Variants in CCNH observed in about 807,000 individuals in gnomAD.
CCNH encodes the protein cyclin-H.
CCNH carries 31 observed loss-of-function variants against 41.9 expected under a neutral mutation model. The ratio of observed to expected loss-of-function variants is 0.74; its 90% CI spans 0.56 to 1.00. The LOEUF (loss-of-function observed/expected upper bound fraction) is 1.00. Among genes scored for constraint, CCNH ranks in the 50% least tolerant of loss-of-function variants. The pLI, the probability that CCNH is intolerant of heterozygous loss-of-function variation, is 0.00. For synonymous variants in CCNH, 138 were observed against 136.1 expected (o/e 1.01, Z -0.10); for missense variants, 362 against 388.4 (o/e 0.93, Z 0.57).
chr5:87,319,948 T>C (rs1274121951), intron 9 of CCNH, among the ~76,000 whole-genome samples: 3 of 152,212 alleles, frequency 2.0e-5, no homozygotes, highest in Non-Finnish European at 4.4e-5. Context: ...CATATACTTT[T>C]AGAAAAATAC....
intron 9 of CCNH, among the ~76,000 whole-genome samples, chr5:87,327,194 CTATTA>C (rs1452019649): frequency 6.6e-6 from 1 of 152,140 alleles, no homozygotes; most frequent in African/African-American, 2.4e-5. Context: ...GAGGTAGACA[CTATTA>C]TATTCCTTTT....
chr5:87,363,542 C>G, intron 9 of CCNH: 1 of 1,590,410 alleles, frequency 6.3e-7, no homozygotes, highest in South Asian at 1.1e-5. Context: ...TCGGAATTGT[C>G]TTAATAATAA....
chr5:87,410,611 G>A (rs1053299863), intron 2 of CCNH, among the ~76,000 whole-genome samples: 14 of 152,024 alleles, frequency 9.2e-5, no homozygotes, highest in African/African-American at 2.4e-4. Context: ...AGAGAATAAC[G>A]TAACAACATT....
chr5:87,352,636 C>T (rs1759359306), intron 9 of CCNH, among the ~76,000 whole-genome samples: 1 of 151,426 alleles, frequency 6.6e-6, no homozygotes, highest in African/African-American at 2.4e-5. Flanking sequence ...AGTGATAATC[C>T]TACATGTAAG....
downstream of CCNH, among the ~76,000 whole-genome samples, chr5:87,318,228 A>T (rs142876944): frequency 2.6e-3 from 402 of 152,288 alleles, 4 homozygotes; most frequent in East Asian, 8.1e-3. Flanking sequence ...CTGTACTAAG[A>T]ATGCTATAGG....
At chr5:87,412,319 G>A in intron 1 of CCNH, 2 of 765,690 alleles carry the variant, frequency 2.6e-6, no homozygotes, top group Non-Finnish European at 3.3e-6. Flanking sequence ...GGTTCTGACT[G>A]CCTGGAACTT....
chr5:87,350,063 TA>T (rs1460183326), intron 9 of CCNH, among the ~76,000 whole-genome samples: 1 of 151,876 alleles, frequency 6.6e-6, no homozygotes, highest in Non-Finnish European at 1.5e-5. Flanking sequence ...TTGCCTAGTT[TA>T]ACCCCTCAGT....
At chr5:87,323,419 G>A (rs1172799252) in intron 9 of CCNH, among the ~76,000 whole-genome samples, 2 of 152,178 alleles carry the variant, frequency 1.3e-5, no homozygotes, top group African/African-American at 2.4e-5. Flanking sequence ...GAGGGAGAGA[G>A]TGGATAATGC....
At chr5:87,312,866 A>G in the CCNH span, among the ~76,000 whole-genome samples, 12 of 152,236 alleles carry the variant, frequency 7.9e-5, no homozygotes, top group Non-Finnish European at 1.2e-4. Context: ...AGAGAAAAAA[A>G]CAGATTTGTT....
At position 87,408,107 on chromosome 5, in the gene CCNH, T is replaced by C. The variant is rs1171980817; in HGVS notation, c.394A>G (p.Ser132Gly). 2 of 1,613,498 alleles carry C rather than the reference T, an allele frequency of 1.2e-6. No individual in the cohort carries two copies. Among genetic ancestry groups the C allele is most frequent in the Middle Eastern group, 1.7e-4 (1 of 6,060 alleles). Residue 132 changes from serine to glycine, a missense_variant, in exon 4 of 9, where the codon AGT (serine) becomes GGT (glycine). By Grantham distance (56) the Ser-to-Gly change is moderately conservative. Transcript: ENST00000256897. ...AGTGCCTTCTCCTGTCCAAGAGGAC[T>C]CTCCCGGAGGTTTCCAACAAACTGA... Reference protein sequence around the residue: ...SPQFVGNLRESPLGQEKALEQ... With the variant: ...SPQFVGNLREGPLGQEKALEQ...
chr5:87,349,419 TGATAATACAGTATTCA>T, intron 9 of CCNH: 1 of 1,576,924 alleles, frequency 6.3e-7, no homozygotes, highest in Non-Finnish European at 8.7e-7. Context: ...GTTGAAATCT[TGATAATACAGTATTCA>T]GAGTCAAAAT....
chr5:87,409,860 A>G (rs1764092137), intron 2 of CCNH, among the ~76,000 whole-genome samples: 1 of 152,176 alleles, frequency 6.6e-6, no homozygotes, highest in Admixed American at 6.5e-5. Context: ...ACTGCTGCCA[A>G]CTGAATGGCA....
intron 2 of CCNH, among the ~76,000 whole-genome samples, chr5:87,409,576 T>A (rs1397412821): frequency 6.6e-6 from 1 of 152,104 alleles, no homozygotes; most frequent in Non-Finnish European, 1.5e-5. Context: ...TTTGCTTGTC[T>A]ATCCCCAGCC....
At chr5:87,394,641 T>C (rs920806133) in intron 8 of CCNH, 157 bp from the exon 9 acceptor site, 1 of 1,444,016 alleles carries the variant, frequency 6.9e-7, no homozygotes, top group African/African-American at 1.4e-5. Flanking sequence ...TTAGTAATGT[T>C]GGCATGGTCT....
At chr5:87,387,989 T>TATAATAA (rs1323897815), downstream of CCNH, among the ~76,000 whole-genome samples, 4 of 152,324 alleles carry the variant, frequency 2.6e-5, no homozygotes, top group Middle Eastern at 3.4e-3. Context: ...TCACCACCTG[T>TATAATAA]ATAATAAGCC....
downstream of CCNH, chr5:87,374,454 TATATA>T (rs1761172609): frequency 7.3e-6 from 2 of 275,328 alleles, no homozygotes; most frequent in Non-Finnish European, 1.2e-5. Context: ...TATATATATA[TATATA>T]TTTTTTTTTT....
intron 9 of CCNH, among the ~76,000 whole-genome samples, chr5:87,368,255 C>T (rs1329538443): frequency 1.3e-5 from 2 of 152,026 alleles, no homozygotes; most frequent in African/African-American, 4.8e-5. Context: ...CAGTTAAATC[C>T]ACTTTTTCAG....
chr5:87,362,686 T>C, intron 9 of CCNH: 1 of 1,601,370 alleles, frequency 6.2e-7, no homozygotes, highest in Non-Finnish European at 8.6e-7. Context: ...GTTCAGACTT[T>C]TATCATTAAC....
At chr5:87,350,482 A>G (rs1759182484) in intron 9 of CCNH, among the ~76,000 whole-genome samples, 1 of 151,838 alleles carries the variant, frequency 6.6e-6, no homozygotes, top group African/African-American at 2.4e-5. Context: ...TCCTTTTTAA[A>G]GATAAAATAA....
Sources: gnomAD v4.1 joint callset for allele counts (sites outside exome capture counted in the v4.1 genomes callset) on GRCh38, gnomAD v4.1.1 for gene constraint, MANE v1.5 for transcripts, NCBI Gene and HGNC (gene_info 2026-07-23, HGNC 2026-07-21) for gene names.